The following AGFG2 variants were observed in gnomAD, a reference collection of about 807,000 sequenced individuals.
AGFG2 encodes the protein ArfGAP with FG repeats 2, also known as arf-GAP domain and FG repeat-containing protein 2.
Under a neutral mutation model 48.0 loss-of-function variants are expected in AGFG2, and 31 were observed. That is an observed-to-expected ratio of 0.65 (90% CI 0.49 to 0.87). AGFG2 has a LOEUF of 0.87. AGFG2 is among the 40% of genes least tolerant of loss of function. AGFG2 has a pLI of 0.00. For synonymous variants in AGFG2, 229 were observed against 260.8 expected (o/e 0.88, Z 1.18); for missense variants, 599 against 632.6 (o/e 0.95, Z 0.57).
chr7:100,543,684 C>T (rs1584379486), intron 1 of AGFG2, among the ~76,000 whole-genome samples: 1 of 152,204 alleles, frequency 6.6e-6, no homozygotes, highest in Non-Finnish European at 1.5e-5. Flanking sequence ...ACTCTGCCTG[C>T]ATCCCTGCAT....
At chr7:100,544,896 GGAAATGGGTTGAAGCA>G (rs1800485644) in intron 1 of AGFG2, among the ~76,000 whole-genome samples, 1 of 152,038 alleles carries the variant, frequency 6.6e-6, no homozygotes, top group Non-Finnish European at 1.5e-5. Context: ...GAGGAACAAA[GGAAATGGGTTGAAGCA>G]GAATTTAGAT....
Position 100,548,885 on chromosome 7 carries a change from A to T in AGFG2, c.285A>T (p.Glu95Asp), listed in dbSNP as rs1212721371. Residue 95 changes from glutamate (E) to aspartate (D), a missense_variant, in exon 2 of 12, where the codon GAA (glutamate) becomes GAT (aspartate). Transcript: ENST00000300176. ...SISMTTFTEP[E>D]VVFLQSRGNE... ...CCATGACAACTTTCACTGAGCCTGAAGTAGTATTCCTGCAATCCCGTGGAA... is the reference window on the plus strand; with the variant it reads ...CCATGACAACTTTCACTGAGCCTGATGTAGTATTCCTGCAATCCCGTGGAA... 6.2e-7 allele frequency: 1 copy of T among 1,613,614 alleles called. No homozygotes were observed. Among genetic ancestry groups the T allele is most frequent in the Admixed American group, 1.7e-5 (1 of 59,972 alleles).
chr7:100,560,881 G>A (rs551513048), intron 6 of AGFG2, among the ~76,000 whole-genome samples: 20 of 138,048 alleles, frequency 1.4e-4, no homozygotes, highest in Admixed American at 1.1e-3. Flanking sequence ...ATATGATCTC[G>A]GCTCACTGCA....
intron 6 of AGFG2, chr7:100,556,323 C>T (rs944748130): frequency 4.9e-5 from 10 of 202,108 alleles, no homozygotes; most frequent in Admixed American, 2.7e-4. Context: ...TCAAAACAAA[C>T]GAACGAACAA....
intron 2 of AGFG2, among the ~76,000 whole-genome samples, chr7:100,549,632 T>C (rs1800583875): frequency 6.6e-6 from 1 of 152,242 alleles, no homozygotes; most frequent in African/African-American, 2.4e-5. Flanking sequence ...ATCTGGTTTG[T>C]AGGTAGACCC....
In AGFG2 at chr7:100,539,557, T is replaced by C. The variant is rs1383281476; in HGVS notation, c.211T>C (p.Ser71Pro). ...TVGSFVCTTC[S>P]GLLRGLNPPH... is the part of the protein sequence containing the mutation. Reference sequence around the variant, plus strand: ...GGGCAGCTTCGTGTGCACCACCTGCTCCGGCCTCCTGTGAGTGACCGGGAG... The same window carrying C: ...GGGCAGCTTCGTGTGCACCACCTGCCCCGGCCTCCTGTGAGTGACCGGGAG... Residue 71 changes from serine (S) to proline (P), a missense_variant, in exon 1 of 12, where the codon TCC becomes CCC. Ser to Pro is a moderately conservative substitution (Grantham distance 74). Coordinates refer to ENST00000300176, the MANE Select transcript of AGFG2 (RefSeq NM_006076.5). 2.0e-6 allele frequency: 2 copies of C among 1,012,754 alleles called. No homozygotes were observed. Among genetic ancestry groups the C allele is most frequent in the African/African-American group, 1.8e-5 (1 of 55,548 alleles). 62.7% of individuals were successfully genotyped at this position (1,012,754 alleles called of 1,614,324 possible). A position where few individuals can be genotyped will look rare whatever the true frequency, so the allele number is the denominator to read the frequency against.
chr7:100,559,695 G>A (rs946796561), intron 6 of AGFG2, among the ~76,000 whole-genome samples: 20 of 152,042 alleles, frequency 1.3e-4, no homozygotes, highest in African/African-American at 4.1e-4. Flanking sequence ...GTGCGTGCCT[G>A]TAGTCCCAGC....
intron 1 of AGFG2, among the ~76,000 whole-genome samples, chr7:100,542,258 C>A (rs1236068151): frequency 6.6e-6 from 1 of 152,126 alleles, no homozygotes; most frequent in Non-Finnish European, 1.5e-5. Context: ...TCAAGTGATC[C>A]GCCCGCCTCG....
chr7:100,560,421 T>C (rs1800841641), intron 6 of AGFG2, among the ~76,000 whole-genome samples: 1 of 152,166 alleles, frequency 6.6e-6, no homozygotes, highest in Non-Finnish European at 1.5e-5. Context: ...TCAAGCGATC[T>C]GCTTGCCTCA....
intron 6 of AGFG2, chr7:100,556,494 C>A: frequency 9.3e-7 from 1 of 1,071,902 alleles, no homozygotes; most frequent in Non-Finnish European, 1.2e-6. Flanking sequence ...AGCTGCAGTG[C>A]TCGCCGTCAG....
At chr7:100,545,695 C>A (rs1354171895) in intron 1 of AGFG2, among the ~76,000 whole-genome samples, 1 of 152,058 alleles carries the variant, frequency 6.6e-6, no homozygotes, top group African/African-American at 2.4e-5. Context: ...TGGGAGGAAC[C>A]TGAGAGTTAT....
rs578071512 is a variant in AGFG2 at position 100,561,394 on chromosome 7, T to G, written c.878-865T>G. Among the ~76,000 whole-genome samples, 264 of 152,304 alleles carry G rather than the reference T, an allele frequency of 1.7e-3. 2 individuals carry two copies. Among genetic ancestry groups the G allele is most frequent in the African/African-American group, 6.1e-3 (252 of 41,562 alleles). On this transcript the variant is annotated intron_variant, in intron 6 of 11. Coordinates refer to ENST00000300176, the MANE Select transcript of AGFG2 (RefSeq NM_006076.5). ...TGCTCGCCTTGGCCTCTGAAAGTATTGGGATTACAGGCATGAACTGCCGCG... is the reference window on the plus strand; with the variant it reads ...TGCTCGCCTTGGCCTCTGAAAGTATGGGGATTACAGGCATGAACTGCCGCG...
chr7:100,539,330 G>A lies in AGFG2; in HGVS notation c.-17G>A. On this transcript the variant is annotated 5_prime_UTR_variant, in exon 1 of 12. Coordinates refer to ENST00000300176, the MANE Select transcript of AGFG2 (RefSeq NM_006076.5). ...TGAAGGGGTGATTGCTGACTAGCGG[G>A]GAGGGAGTGGGCAGCGATGGTGATG... is the stretch of plus-strand genomic sequence containing the variant. 2 of 1,274,172 alleles carry A rather than the reference G, an allele frequency of 1.6e-6. No homozygotes were observed. The highest frequency in any genetic ancestry group is 2.0e-6 in the Non-Finnish European group (2 of 1,006,278). The allele number at this position is 1,274,172 out of a possible 1,614,324, so 78.9% of individuals were successfully genotyped here.
At chr7:100,550,902 C>T (rs1443236838) in intron 3 of AGFG2, among the ~76,000 whole-genome samples, 4 of 148,038 alleles carry the variant, frequency 2.7e-5, no homozygotes, top group Non-Finnish European at 4.5e-5. Context: ...ACTCTGTTGC[C>T]CAGGCTAGAG....
chr7:100,563,714 C>T (rs1800931824), intron 9 of AGFG2, 120 bp from the exon 10 acceptor site: 5 of 1,443,712 alleles, frequency 3.5e-6, no homozygotes, highest in Admixed American at 4.1e-5. Context: ...CTGGGTCCCT[C>T]GTTCCTCATG....
At position 100,563,838 on chromosome 7, in the gene AGFG2, CGGCTTTGGGATGAGCAGTGCTGGGCCT is replaced by C. The variant is rs780858543; in HGVS notation, c.1182_1208del (p.Gly395_Phe403del). On this transcript the variant is annotated inframe_deletion, in exon 10 of 12. Coordinates refer to ENST00000300176, the MANE Select transcript of AGFG2 (RefSeq NM_006076.5). Reference sequence around the variant, plus strand: ...CTCCCGTCTTTCACTCCATAGGGCCCGGCTTTGGGATGAGCAGTGCTGGGCCTGGCTTCCCCCAGGCAGTGCCACCCA... The same window carrying C: ...CTCCCGTCTTTCACTCCATAGGGCCCGGCTTCCCCCAGGCAGTGCCACCCA... The C allele has an allele frequency of 2.7e-5, 43 of 1,611,384 alleles. No individual in the cohort carries two copies. In the African/African-American group the frequency reaches 4.9e-4, roughly 19 times the overall value.
chr7:100,558,072 G>A lies in AGFG2; in HGVS notation c.877+2337G>A, dbSNP rs146783833. On this transcript the variant is annotated intron_variant, in intron 6 of 11. Transcript: ENST00000300176. The stretch of plus-strand genomic sequence containing the variant: ...CTGCTAAAAATACAAATATTAGCCG[G>A]GCATGGTGGCAGGCGCCTGTAATAG... Among the ~76,000 whole-genome samples, 123 of 152,134 alleles carry A rather than the reference G, an allele frequency of 8.1e-4. 3 individuals carry two copies. In the East Asian group the frequency reaches 0.022, roughly 28 times the overall value.
At chr7:100,540,424 T>TG (rs1016164345) in intron 1 of AGFG2, among the ~76,000 whole-genome samples, 9 of 152,198 alleles carry the variant, frequency 5.9e-5, no homozygotes, top group South Asian at 2.1e-4. Flanking sequence ...CTCTAGATTT[T>TG]GGGGGGGCTT....
At chr7:100,542,104 C>G (rs1403317542) in intron 1 of AGFG2, among the ~76,000 whole-genome samples, 1 of 152,144 alleles carries the variant, frequency 6.6e-6, no homozygotes, top group African/African-American at 2.4e-5. Flanking sequence ...CAACCCCTGC[C>G]TCCTGGGTTT....
Sources: gnomAD v4.1 joint callset for allele counts (sites outside exome capture counted in the v4.1 genomes callset) on GRCh38, gnomAD v4.1.1 for gene constraint, MANE v1.5 for transcripts, NCBI Gene and HGNC (gene_info 2026-07-23, HGNC 2026-07-21) for gene names.